Variants in NCALD observed in about 807,000 individuals in gnomAD.
NCALD encodes the protein neurocalcin-delta.
A neutral mutation model predicts 18.6 loss-of-function variants in NCALD; 10 were observed. That is an observed-to-expected ratio of 0.54 (90% CI 0.33 to 0.91). The LOEUF is 0.91. Ranked by LOEUF, NCALD falls within the 40% of genes least tolerant of loss-of-function variation. The pLI is 0.03. For synonymous variants in NCALD, 88 were observed against 87.4 expected, an observed-to-expected ratio of 1.01 and a Z score of -0.04; for missense variants, 184 against 247.6, an observed-to-expected ratio of 0.74 and a Z score of 1.72.
intron 2 of NCALD, among the ~76,000 whole-genome samples, chr8:101,920,509 A>G (rs1221334233): frequency 6.6e-6 from 1 of 152,230 alleles, no homozygotes; most frequent in Non-Finnish European, 1.5e-5. Flanking sequence ...AGATTAAAAC[A>G]TATGTGGTAC....
chr8:101,946,150 G>GA (rs908215475), intron 2 of NCALD, among the ~76,000 whole-genome samples: 11 of 151,908 alleles, frequency 7.2e-5, no homozygotes, highest in African/African-American at 2.7e-4. Context: ...AGTGATCTAT[G>GA]AAAAAAAAGA....
intron 4 of NCALD, among the ~76,000 whole-genome samples, chr8:101,837,223 C>T (rs1301293653): frequency 1.3e-5 from 2 of 152,206 alleles, no homozygotes; most frequent in East Asian, 3.8e-4. Flanking sequence ...GGCACTCTCC[C>T]TGTGACCTTG....
chr8:102,046,396 A>C (rs1000638602), intron 1 of NCALD, among the ~76,000 whole-genome samples: 3 of 152,246 alleles, frequency 2.0e-5, no homozygotes, highest in African/African-American at 7.2e-5. Flanking sequence ...AAGCAATAGC[A>C]ATGCATTTCA....
intron 1 of NCALD, among the ~76,000 whole-genome samples, chr8:102,025,777 A>G (rs1264583203): frequency 2.0e-5 from 3 of 152,208 alleles, no homozygotes; most frequent in Non-Finnish European, 4.4e-5. Context: ...ACGTATGTCT[A>G]CAGGTATACA....
chr8:101,843,582 G>GTTTTTTTTTTTT (rs369393213), intron 4 of NCALD, among the ~76,000 whole-genome samples: 1,329 of 124,780 alleles, frequency 0.011, 49 homozygotes, highest in African/African-American at 0.019. Context: ...TTTAAAAATT[G>GTTTTTTTTTTTT]TTTTTTTTTT....
chr8:102,008,723 G>A (rs11776916), intron 2 of NCALD, among the ~76,000 whole-genome samples: 2,849 of 152,118 alleles, frequency 0.019, 51 homozygotes, highest in Non-Finnish European at 0.031. Flanking sequence ...CCTTTGCCTT[G>A]ACACCGTTTC....
At chr8:101,826,007 G>A (rs1187175614) in intron 4 of NCALD, among the ~76,000 whole-genome samples, 1 of 152,220 alleles carries the variant, frequency 6.6e-6, no homozygotes, top group Non-Finnish European at 1.5e-5. Context: ...TGTCCCTTAT[G>A]GCTTTTGTTG....
intron 1 of NCALD, among the ~76,000 whole-genome samples, chr8:102,096,517 C>T (rs1271527617): frequency 6.6e-6 from 1 of 152,178 alleles, no homozygotes; most frequent in Non-Finnish European, 1.5e-5. Flanking sequence ...CTTTGCAAAC[C>T]CCCACCTTTT....
At chr8:101,976,812 G>C (rs1022256806) in intron 2 of NCALD, among the ~76,000 whole-genome samples, 1 of 152,116 alleles carries the variant, frequency 6.6e-6, no homozygotes, top group African/African-American at 2.4e-5. Flanking sequence ...TAGCAAAGAA[G>C]GGAAATACTT....
chr8:101,951,947 G>C (rs1028873723), intron 2 of NCALD, among the ~76,000 whole-genome samples: 1 of 152,192 alleles, frequency 6.6e-6, no homozygotes, highest in African/African-American at 2.4e-5. Context: ...GCCATGCCTG[G>C]ACTAAGCGAG....
At chr8:101,765,579 A>C (rs1017710634) in intron 1 of NCALD, among the ~76,000 whole-genome samples, 1 of 152,256 alleles carries the variant, frequency 6.6e-6, no homozygotes, top group Non-Finnish European at 1.5e-5. Flanking sequence ...CATGCTCAGA[A>C]TAAGATTTGA....
At chr8:101,749,518 A>C (rs1810563555) in intron 1 of NCALD, among the ~76,000 whole-genome samples, 1 of 152,218 alleles carries the variant, frequency 6.6e-6, no homozygotes, top group Non-Finnish European at 1.5e-5. Flanking sequence ...TTTTCCACTA[A>C]GTATATGACA....
intron 1 of NCALD, among the ~76,000 whole-genome samples, chr8:102,080,345 G>A (rs543873106): frequency 1.2e-4 from 19 of 152,148 alleles, no homozygotes; most frequent in Non-Finnish European, 2.4e-4. Flanking sequence ...TTTCAAGACT[G>A]GCCTGCAGAA....
chr8:101,707,606 G>T (rs139243592), intron 2 of NCALD, among the ~76,000 whole-genome samples: 1 of 152,180 alleles, frequency 6.6e-6, no homozygotes, highest in African/African-American at 2.4e-5. Context: ...TCATTTAAAA[G>T]GTGTGAAGTG....
intron 2 of NCALD, among the ~76,000 whole-genome samples, chr8:101,937,676 T>C (rs1818813912): frequency 6.6e-6 from 1 of 152,170 alleles, no homozygotes; most frequent in Non-Finnish European, 1.5e-5. Flanking sequence ...GCCAAGAATT[T>C]TCTCATTTCT....
chr8:101,955,712 AAC>A (rs1156987745), intron 2 of NCALD, among the ~76,000 whole-genome samples: 1 of 152,240 alleles, frequency 6.6e-6, no homozygotes, highest in African/African-American at 2.4e-5. Flanking sequence ...GAAATGGCTA[AAC>A]ACAGAGGTAG....
intron 3 of NCALD, chr8:101,690,603 C>G: frequency 1.0e-6 from 1 of 985,446 alleles, no homozygotes; most frequent in Non-Finnish European, 1.2e-6. Context: ...ACAAACATAT[C>G]TTCTCCTCAG....
At chr8:101,731,274 C>G (rs1586333667) in intron 1 of NCALD, among the ~76,000 whole-genome samples, 2 of 152,118 alleles carry the variant, frequency 1.3e-5, no homozygotes, top group Admixed American at 1.3e-4. Context: ...CTGGACATGA[C>G]TATAGGGACT....
At chr8:101,957,835 C>G (rs1819693728) in intron 2 of NCALD, among the ~76,000 whole-genome samples, 1 of 152,106 alleles carries the variant, frequency 6.6e-6, no homozygotes, top group African/African-American at 2.4e-5. Context: ...GAGCTGAGAC[C>G]CTACCAGGCT....
Sources: gnomAD v4.1 joint callset for allele counts (sites outside exome capture counted in the v4.1 genomes callset) on GRCh38, gnomAD v4.1.1 for gene constraint, MANE v1.5 for transcripts, NCBI Gene and HGNC (gene_info 2026-07-23, HGNC 2026-07-21) for gene names.